Variants in TBC1D4 observed in about 807,000 individuals in gnomAD.
TBC1D4 encodes the protein TBC (Tre-2, BUB2, CDC16) domain-containing protein.
In TBC1D4, 121 loss-of-function variants were observed where a neutral mutation model predicts 142.5. The observed-to-expected ratio is 0.85, with a 90% CI of 0.73 to 0.99. The LOEUF (loss-of-function observed/expected upper bound fraction) is 0.99. Ranked by LOEUF, TBC1D4 falls within the 50% of genes least tolerant of loss-of-function variation. TBC1D4 has a pLI of 0.00. For missense variants in TBC1D4, 1,475 were observed against 1,606.6 expected (o/e 0.92, Z 1.40); for synonymous variants, 630 against 628.2 (o/e 1.00, Z -0.04).
intron 1 of TBC1D4, among the ~76,000 whole-genome samples, chr13:75,390,276 T>C (rs1320867350): frequency 5.1e-4 from 6 of 11,720 alleles, no homozygotes. Flanking sequence ...AGAGACTCCG[T>C]CAAAAAAAAA....
At chr13:75,394,298 T>G (rs1170243225) in intron 1 of TBC1D4, among the ~76,000 whole-genome samples, 1 of 152,242 alleles carries the variant, frequency 6.6e-6, no homozygotes, top group East Asian at 1.9e-4. Context: ...CAAGTTCATA[T>G]TCATTTTACT....
chr13:75,423,863 T>C (rs1334104414), intron 1 of TBC1D4, among the ~76,000 whole-genome samples: 1 of 152,062 alleles, frequency 6.6e-6, no homozygotes, highest in Non-Finnish European at 1.5e-5. Context: ...GGGTACAGAG[T>C]TTCAGTTTTG....
chr13:75,450,317 T>C (rs188604782), intron 1 of TBC1D4, among the ~76,000 whole-genome samples: 13 of 152,342 alleles, frequency 8.5e-5, no homozygotes, highest in Middle Eastern at 3.4e-3. Flanking sequence ...TTTAGTGTAA[T>C]AGCAACATTC....
intron 15 of TBC1D4, among the ~76,000 whole-genome samples, chr13:75,303,418 A>G (rs1876796830): frequency 6.6e-6 from 1 of 152,210 alleles, no homozygotes; most frequent in Admixed American, 6.5e-5. Flanking sequence ...AGCACATATA[A>G]TGAAACATTA....
At chr13:75,377,806 CCTAT>C (rs752576870) in intron 1 of TBC1D4, among the ~76,000 whole-genome samples, 14 of 151,252 alleles carry the variant, frequency 9.3e-5, no homozygotes, top group Admixed American at 5.9e-4. Context: ...TTTCTATCTA[CCTAT>C]CTATCTACAT....
intron 1 of TBC1D4, among the ~76,000 whole-genome samples, chr13:75,440,986 G>A (rs1354992717): frequency 1.3e-5 from 2 of 152,118 alleles, no homozygotes; most frequent in South Asian, 2.1e-4. Context: ...GGCCAGGCAC[G>A]GTGCTCACGC....
At chr13:75,423,246 T>C (rs1886240658) in intron 1 of TBC1D4, among the ~76,000 whole-genome samples, 1 of 151,314 alleles carries the variant, frequency 6.6e-6, no homozygotes, top group Non-Finnish European at 1.5e-5. Context: ...AATCTCTATG[T>C]ATGTAAGTGT....
chr13:75,365,886 A>C (rs902217874), intron 1 of TBC1D4, among the ~76,000 whole-genome samples: 3 of 152,120 alleles, frequency 2.0e-5, no homozygotes, highest in Non-Finnish European at 4.4e-5. Context: ...ACTACCTAGA[A>C]CTCTGATATA....
chr13:75,427,091 C>CT (rs1886405084), intron 1 of TBC1D4, among the ~76,000 whole-genome samples: 1 of 148,192 alleles, frequency 6.7e-6, no homozygotes, highest in Non-Finnish European at 1.5e-5. Context: ...AAAATATAAA[C>CT]ATTTTTTTTT....
At chr13:75,316,339 A>C (rs1345743581) in intron 12 of TBC1D4, 3 of 152,192 alleles carry the variant, frequency 2.0e-5, no homozygotes, top group African/African-American at 7.2e-5. Flanking sequence ...ATAAACCTAA[A>C]ATTTTAAATC....
chr13:75,438,104 T>A (rs1168503299), intron 1 of TBC1D4, among the ~76,000 whole-genome samples: 1 of 152,226 alleles, frequency 6.6e-6, no homozygotes, highest in Non-Finnish European at 1.5e-5. Context: ...TATCCAATAA[T>A]TGATATGGTG....
intron 1 of TBC1D4, among the ~76,000 whole-genome samples, chr13:75,429,133 C>A (rs1256309132): frequency 1.3e-5 from 2 of 152,076 alleles, no homozygotes; most frequent in African/African-American, 4.8e-5. Context: ...GTATTAAAAC[C>A]ACCAAATGTA....
At chr13:75,389,856 G>A (rs1444567869) in intron 1 of TBC1D4, among the ~76,000 whole-genome samples, 1 of 152,192 alleles carries the variant, frequency 6.6e-6, no homozygotes, top group Non-Finnish European at 1.5e-5. Context: ...GAAAAGGCCA[G>A]AAAATTTACA....
rs1879430605 is a variant in TBC1D4 at position 75,328,091 on chromosome 13, CG to C, written c.1732-266del. Among the ~76,000 whole-genome samples, 4 of 152,208 alleles carry C rather than the reference CG, an allele frequency of 2.6e-5. No homozygotes were observed. In the South Asian group the frequency reaches 8.3e-4, roughly 32 times the overall value. ...AAGTTAGTTTGGTTACAAGATTACA[CG>C]TTATTCATCCATAAGTTCAGTGAGG... On this transcript the variant is annotated intron_variant, in intron 8 of 20. Coordinates refer to ENST00000377636, the MANE Select transcript of TBC1D4 (RefSeq NM_014832.5).
At chr13:75,356,638 G>C (rs1882074801) in intron 3 of TBC1D4, among the ~76,000 whole-genome samples, 1 of 152,150 alleles carries the variant, frequency 6.6e-6, no homozygotes, top group African/African-American at 2.4e-5. Flanking sequence ...CTGAGGCTAA[G>C]AATCTGAGAA....
intron 5 of TBC1D4, 94 bp downstream of exon 5, chr13:75,349,076 C>G: frequency 6.4e-7 from 1 of 1,563,518 alleles, no homozygotes; most frequent in Non-Finnish European, 8.7e-7. Context: ...TGTTTCACAT[C>G]GAAACAAAGA....
At chr13:75,449,119 A>G (rs901037310) in intron 1 of TBC1D4, among the ~76,000 whole-genome samples, 1 of 152,052 alleles carries the variant, frequency 6.6e-6, no homozygotes, top group African/African-American at 2.4e-5. Context: ...ATTAACACAT[A>G]TAATACTAAC....
chr13:75,396,740 G>A (rs1884812456), intron 1 of TBC1D4, among the ~76,000 whole-genome samples: 1 of 151,998 alleles, frequency 6.6e-6, no homozygotes, highest in South Asian at 2.1e-4. Context: ...GAAAACAACA[G>A]AAACAAGTAA....
At chr13:75,455,777 G>C (rs1434921447) in intron 1 of TBC1D4, among the ~76,000 whole-genome samples, 1 of 152,066 alleles carries the variant, frequency 6.6e-6, no homozygotes, top group Non-Finnish European at 1.5e-5. Flanking sequence ...AGTCTCCACT[G>C]TCACTAATGC....
Sources: allele counts gnomAD v4.1 joint callset (sites outside exome capture counted in the v4.1 genomes callset), GRCh38; gene constraint gnomAD v4.1.1; transcripts MANE v1.5; gene names NCBI Gene and HGNC (gene_info 2026-07-23, HGNC 2026-07-21).